The following MCOLN1 variants were observed in gnomAD, a reference collection of about 807,000 sequenced individuals.
MCOLN1 encodes the protein mucolipin TRP cation channel 1.
In MCOLN1, 50 loss-of-function variants were observed where a neutral mutation model predicts 70.3. That is an observed-to-expected ratio of 0.71 (90% CI 0.57 to 0.90). The LOEUF is 0.90. Ranked by LOEUF, MCOLN1 falls within the 40% of genes least tolerant of loss-of-function variation. The pLI is 0.00. For missense variants in MCOLN1, 598 were observed against 803.5 expected (o/e 0.74, Z 3.09); for synonymous variants, 366 against 341.0 (o/e 1.07, Z -0.81).
intron 10 of MCOLN1, 78 bp from the exon 11 acceptor site, chr19:7,529,512 C>CCCCCCCCCAA: frequency 1.0e-6 from 1 of 992,996 alleles, no homozygotes; most frequent in Non-Finnish European, 1.5e-6. Context: ...CCCCGCCCCT[C>CCCCCCCCCAA]CCACCCCCAT....
At chr19:7,529,520 C>CCAAA in intron 10 of MCOLN1, 70 bp from the exon 11 acceptor site, 6 of 1,386,876 alleles carry the variant, frequency 4.3e-6, no homozygotes, top group Non-Finnish European at 5.0e-6. Context: ...CTCCCACCCC[C>CCAAA]ATCTGGGTGC....
At chr19:7,529,863 GTT>G in intron 11 of MCOLN1, 151 bp downstream of exon 11, 1 of 983,946 alleles carries the variant, frequency 1.0e-6, no homozygotes, top group Non-Finnish European at 1.6e-6. Context: ...TGCCATTATT[GTT>G]GTCACAGTTG....
rs1028471488 is a variant in MCOLN1 at position 7,522,640 on chromosome 19, C to A, written c.-111C>A. On this transcript the variant is annotated 5_prime_UTR_variant, in exon 1 of 14. Transcript: ENST00000264079. Reference sequence around the variant, plus strand: ...GACCGAGGCACAGATCAGCTGATGCCGGAGGGTTTGAAGCCGCGCCGCGAG... The same window carrying A: ...GACCGAGGCACAGATCAGCTGATGCAGGAGGGTTTGAAGCCGCGCCGCGAG... 6.8e-6 allele frequency: 8 copies of A among 1,174,686 alleles called. No homozygotes were observed. The highest frequency in any genetic ancestry group is 1.6e-5 in the African/African-American group (1 of 62,304). 72.8% of individuals were successfully genotyped at this position (1,174,686 alleles called of 1,614,324 possible). A position where few individuals can be genotyped will look rare whatever the true frequency, so the allele number is the denominator to read the frequency against.
intron 12 of MCOLN1, among the ~76,000 whole-genome samples, chr19:7,532,910 G>A (rs1295553518): frequency 1.3e-5 from 2 of 152,136 alleles, no homozygotes; most frequent in African/African-American, 2.4e-5. Context: ...GCAGTGCACC[G>A]AGGGGAAGGA....
chr19:7,533,731 GC>G, intron 13 of MCOLN1, 27 bp from the exon 14 acceptor site: 1 of 1,614,172 alleles, frequency 6.2e-7, no homozygotes, highest in South Asian at 1.1e-5. Flanking sequence ...GAAAACTGAC[GC>G]CCCTCTTCCC....
intron 4 of MCOLN1, 75 bp downstream of exon 4, chr19:7,527,001 A>G (rs1599253713): frequency 6.4e-7 from 1 of 1,573,878 alleles, no homozygotes. Flanking sequence ...GTGGCTGGGC[A>G]CGGTGGCTCA....
chr19:7,527,723 G>C (rs1568399124), intron 5 of MCOLN1, 95 bp downstream of exon 5: 3 of 1,076,584 alleles, frequency 2.8e-6, no homozygotes, highest in South Asian at 1.2e-5. Flanking sequence ...TGGGGACAGG[G>C]CCCCCCCGCC....
chr19:7,522,879 C>G (rs534599883), intron 1 of MCOLN1, 98 bp downstream of exon 1: 1 of 1,125,738 alleles, frequency 8.9e-7, no homozygotes, highest in African/African-American at 1.6e-5. Flanking sequence ...TTTTTCTAAG[C>G]TCCAGCGCTG....
intron 12 of MCOLN1, among the ~76,000 whole-genome samples, chr19:7,533,041 G>C (rs2022683520): frequency 6.6e-6 from 1 of 152,256 alleles, no homozygotes; most frequent in Non-Finnish European, 1.5e-5. Flanking sequence ...GTCACCGGCA[G>C]ATGGGTACAC....
In MCOLN1 at chr19:7,524,983, C is replaced by T. The variant is rs1246719361; in HGVS notation, c.54C>T (p.Pro18=). The T allele has an allele frequency of 6.2e-7, 1 of 1,613,848 alleles. No homozygotes were observed. The highest frequency in any genetic ancestry group is 1.7e-5 in the Admixed American group (1 of 60,026). Residue 18 remains proline (P), a synonymous_variant, in exon 2 of 14, where the codon CCC becomes CCT. Coordinates refer to ENST00000264079, the MANE Select transcript of MCOLN1 (RefSeq NM_020533.3). This position sits in a 1 kb window ranked among gnomAD's most constrained non-coding sequence, Gnocchi z 4.1. ...CAGAGACCGAGCGGCTTCTGACCCC[C>T]AACCCCGGGTATGGGACCCAGGCGG... The part of the protein sequence containing the change: ...RGSETERLLT[P]NPGYGTQAGP...
chr19:7,526,769 G>T lies in MCOLN1; in HGVS notation c.414G>T (p.Ala138=), dbSNP rs780538809. ...AIFHAVDQYL[A]LPDVSLGRYA... is the part of the protein sequence containing the mutation. ...CCCTTCTCTGCCCACAGTACCTGGC[G>T]TTGCCTGACGTGTCACTGGGCCGGT... Residue 138 remains alanine (A), a synonymous_variant, in exon 4 of 14, where the codon GCG becomes GCT. Coordinates refer to ENST00000264079, the MANE Select transcript of MCOLN1 (RefSeq NM_020533.3). The surrounding 1 kb of genome is among the most constrained non-coding windows in gnomAD (Gnocchi z 4.6). 6.2e-7 allele frequency: 1 copy of T among 1,614,050 alleles called. No homozygotes were observed. Among genetic ancestry groups the T allele is most frequent in the Middle Eastern group, 1.7e-4 (1 of 5,996 alleles).
At position 7,526,240 on chromosome 19, in the gene MCOLN1, C is replaced by T; in HGVS notation, c.238-199C>T. 3.0e-6 allele frequency: 2 copies of T among 665,694 alleles called. No homozygotes were observed. Among genetic ancestry groups the T allele is most frequent in the East Asian group, 5.4e-5 (2 of 37,058 alleles). The allele number at this position is 665,694 out of a possible 1,614,324, so 41.2% of individuals were successfully genotyped here. ...GGTGGGCGTGGCATGGAGCTTATGCCAGGAGGTGGGGTGAAATTAATCAAA... is the reference window on the plus strand; with the variant it reads ...GGTGGGCGTGGCATGGAGCTTATGCTAGGAGGTGGGGTGAAATTAATCAAA... On this transcript the variant is annotated intron_variant, in intron 2 of 13. Coordinates refer to ENST00000264079, the MANE Select transcript of MCOLN1 (RefSeq NM_020533.3). The surrounding 1 kb of genome is among the most constrained non-coding windows in gnomAD (Gnocchi z 4.6).
chr19:7,522,996 A>G (rs2146019437), intron 1 of MCOLN1, among the ~76,000 whole-genome samples: 1 of 152,166 alleles, frequency 6.6e-6, no homozygotes, highest in East Asian at 1.9e-4. Context: ...CTGGGTTCCC[A>G]AACTCAGGCA....
At position 7,527,746 on chromosome 19, in the gene MCOLN1, T is replaced by G. The variant is rs954373716; in HGVS notation, c.680+118T>G. 4 of 1,106,098 alleles carry G rather than the reference T, an allele frequency of 3.6e-6. No homozygotes were observed. The East Asian group carries it at 9.4e-5, about 26-fold the overall frequency. The allele number at this position is 1,106,098 out of a possible 1,614,324, so 68.5% of individuals were successfully genotyped here. On this transcript the variant is annotated intron_variant, in intron 5 of 13. Transcript: ENST00000264079. ...GGGCCCCCCCGCCCGCGCTGGTGCC[T>G]GCTGGGTGAGCACTTCCCCTGCCAG...
At position 7,528,991 on chromosome 19, in the gene MCOLN1, G is replaced by A. The variant is rs777717647; in HGVS notation, c.1134+21G>A. The A allele has an allele frequency of 1.2e-6, 2 of 1,614,034 alleles. No individual in the cohort carries two copies. Among genetic ancestry groups the A allele is most frequent in the Non-Finnish European group, 1.7e-6 (2 of 1,180,004 alleles). On this transcript the variant is annotated intron_variant, in intron 9 of 13. Transcript: ENST00000264079. The surrounding 1 kb of genome is among the most constrained non-coding windows in gnomAD (Gnocchi z 4.2). ...CCAAGGTGCGTCCTGCCAACACCCT[G>A]GGCCCCAGGTCCCATCCCTGCTGTC...
At chr19:7,533,457 C>A in intron 12 of MCOLN1, 66 bp from the exon 13 acceptor site, 1 of 1,590,328 alleles carries the variant, frequency 6.3e-7, no homozygotes, top group Non-Finnish European at 8.6e-7. Context: ...GAGGGGAGGG[C>A]GGACTTCAAG....
At chr19:7,529,235 A>G (rs370594619) in intron 10 of MCOLN1, 33 bp downstream of exon 10, 42 of 1,561,266 alleles carry the variant, frequency 2.7e-5, no homozygotes, top group Admixed American at 1.7e-5. Flanking sequence ...GGCCTTCCAC[A>G]TGGTTACTCC....
Position 7,533,664 on chromosome 19 carries a change from C to G in MCOLN1, c.1706+11C>G, listed in dbSNP as rs756087583. 1.9e-6 allele frequency: 3 copies of G among 1,613,920 alleles called. No individual in the cohort carries two copies. The highest frequency in any genetic ancestry group is 2.2e-5 in the South Asian group (2 of 91,066). On this transcript the variant is annotated intron_variant, in intron 13 of 13. Transcript: ENST00000264079. Reference sequence around the variant, plus strand: ...CTGCTGCTGCGGAAGGTTCGAGTCCCGGGTCTGGCACATTCAGATTGGAGG... The same window carrying G: ...CTGCTGCTGCGGAAGGTTCGAGTCCGGGGTCTGGCACATTCAGATTGGAGG...
Position 7,530,295 on chromosome 19 carries a change from C to T in MCOLN1, c.1369C>T (p.Leu457Phe). The T allele has an allele frequency of 6.2e-7, 1 of 1,613,112 alleles. No homozygotes were observed. Among genetic ancestry groups the T allele is most frequent in the Non-Finnish European group, 8.5e-7 (1 of 1,180,014 alleles). The change falls in exon 12 of 14, where the codon CTC becomes TTC. Residue 457 changes from leucine to phenylalanine, a missense_variant. Leu to Phe is a conservative substitution (Grantham distance 22). Coordinates refer to ENST00000264079, the MANE Select transcript of MCOLN1 (RefSeq NM_020533.3). The part of the protein sequence containing the change: ...LGPYHVKFRS[L>F]SMVSECLFSL... ...GCCGCCCCTCTGGCAGTTCCGCTCA[C>T]TCTCCATGGTGTCTGAGTGCCTGTT...
Sources: gnomAD v4.1 joint callset for allele counts (sites outside exome capture counted in the v4.1 genomes callset) on GRCh38, gnomAD v4.1.1 for gene constraint, Gnocchi (gnomAD v3.1) non-coding constraint, MANE v1.5 for transcripts, NCBI Gene and HGNC (gene_info 2026-07-23, HGNC 2026-07-21) for gene names.